PHLDB2: variants seen among roughly 807,000 people sequenced by gnomAD.
PHLDB2 encodes pleckstrin homology like domain family B member 2, also known as pleckstrin homology-like domain family B member 2.
In PHLDB2, 71 loss-of-function variants were observed where a neutral mutation model predicts 123.6. The ratio of observed to expected loss-of-function variants is 0.57; its 90% CI spans 0.47 to 0.70. The LOEUF is 0.70. PHLDB2 is among the 30% of genes least tolerant of loss of function. The pLI is 0.00. For missense variants in PHLDB2, 1,446 were observed against 1,519.5 expected, an observed-to-expected ratio of 0.95 and a Z score of 0.80; for synonymous variants, 547 against 541.6, an observed-to-expected ratio of 1.01 and a Z score of -0.14.
Position 111,967,676 on chromosome 3 carries a change from A to G in PHLDB2, c.3169-2A>G. 3 of 1,598,322 alleles carry G rather than the reference A, an allele frequency of 1.9e-6. No individual in the cohort carries two copies. Among genetic ancestry groups the G allele is most frequent in the Non-Finnish European group, 2.6e-6 (3 of 1,172,524 alleles). ...ATAATCATTGTTATGCATAATGTTT[A>G]GGAACGGGAAATGGAAGCCAAAAAA... On this transcript the variant is annotated splice_acceptor_variant, in intron 14 of 17. Coordinates refer to ENST00000431670, the MANE Select transcript of PHLDB2 (RefSeq NM_001134438.2). LOFTEE classifies it high-confidence loss of function.
At chr3:111,808,377 T>A (rs531603268) in intron 1 of PHLDB2, among the ~76,000 whole-genome samples, 1 of 152,322 alleles carries the variant, frequency 6.6e-6, no homozygotes, top group South Asian at 2.1e-4. Context: ...TTTGCATGAA[T>A]GACATTAGCT....
intron 1 of PHLDB2, among the ~76,000 whole-genome samples, chr3:111,823,102 C>T (rs1195352607): frequency 6.6e-6 from 1 of 152,198 alleles, no homozygotes; most frequent in South Asian, 2.1e-4. Flanking sequence ...GAGTACTCAA[C>T]CAGGACAGCT....
At chr3:111,954,903 C>T (rs988015339) in intron 12 of PHLDB2, among the ~76,000 whole-genome samples, 4 of 152,038 alleles carry the variant, frequency 2.6e-5, no homozygotes, top group South Asian at 2.1e-4. Flanking sequence ...AGGCATTTGG[C>T]CTTCAAATAC....
At chr3:111,951,214 C>A (rs950928355) in intron 10 of PHLDB2, among the ~76,000 whole-genome samples, 2 of 152,130 alleles carry the variant, frequency 1.3e-5, no homozygotes, top group African/African-American at 4.8e-5. Context: ...GACTACCTGG[C>A]CATGAATTCT....
intron 1 of PHLDB2, among the ~76,000 whole-genome samples, chr3:111,775,778 T>C (rs1425902951): frequency 6.6e-6 from 1 of 152,154 alleles, no homozygotes; most frequent in Non-Finnish European, 1.5e-5. Flanking sequence ...TAGGAGAATG[T>C]TTACATTTTT....
At chr3:111,909,297 A>G (rs1373634513) in intron 2 of PHLDB2, among the ~76,000 whole-genome samples, 2 of 152,152 alleles carry the variant, frequency 1.3e-5, no homozygotes, top group African/African-American at 2.4e-5. Flanking sequence ...TGTGCCTCCT[A>G]TTAAAGGTTT....
intron 1 of PHLDB2, among the ~76,000 whole-genome samples, chr3:111,844,395 T>C (rs1205423848): frequency 6.6e-6 from 1 of 152,170 alleles, no homozygotes; most frequent in Non-Finnish European, 1.5e-5. Context: ...TGTTCTACTT[T>C]CAATATTTCT....
At chr3:111,815,747 G>T (rs914622298) in intron 1 of PHLDB2, among the ~76,000 whole-genome samples, 6 of 151,638 alleles carry the variant, frequency 4.0e-5, no homozygotes, top group African/African-American at 1.5e-4. Flanking sequence ...CATTTGCTGA[G>T]GAGAAATTCA....
chr3:111,845,877 G>A, exon 2 of PHLDB2: 1 of 1,614,208 alleles, frequency 6.2e-7, no homozygotes, highest in Non-Finnish European at 8.5e-7. Flanking sequence ...TGATGGAGGA[G>A]GAGGATACCA....
At chr3:111,867,766 A>G (rs1034008817) in intron 1 of PHLDB2, among the ~76,000 whole-genome samples, 2 of 152,024 alleles carry the variant, frequency 1.3e-5, no homozygotes, top group Admixed American at 6.5e-5. Context: ...CAGTGGCACT[A>G]TCTTGGCTTA....
intron 1 of PHLDB2, among the ~76,000 whole-genome samples, chr3:111,806,419 C>A (rs550225893): frequency 2.0e-4 from 31 of 152,068 alleles, no homozygotes; most frequent in Non-Finnish European, 4.4e-4. Context: ...TTATATAATA[C>A]AAAATGTAGT....
At chr3:111,861,008 T>A (rs1157520028) in intron 1 of PHLDB2, among the ~76,000 whole-genome samples, 4 of 152,066 alleles carry the variant, frequency 2.6e-5, no homozygotes, top group African/African-American at 9.7e-5. Context: ...TCGAGATATG[T>A]CTCTGGGATT....
rs779505656 is a variant in PHLDB2 at position 111,913,521 on chromosome 3, C to T, written c.1538C>T (p.Ser513Phe). 9 of 1,614,110 alleles carry T rather than the reference C, an allele frequency of 5.6e-6. No individual in the cohort carries two copies. Among genetic ancestry groups the T allele is most frequent in the Non-Finnish European group, 7.6e-6 (9 of 1,179,982 alleles). The part of the protein sequence containing the change: ...DTRYRCHRKD[S>F]LPDADLASCG... Reference sequence around the variant, plus strand: ...AGATACAGGTGCCACCGGAAAGACTCCCTCCCTGATGCAGACTTGGCAAGC... The same window carrying T: ...AGATACAGGTGCCACCGGAAAGACTTCCTCCCTGATGCAGACTTGGCAAGC... Residue 513 changes from serine to phenylalanine, a missense_variant, in exon 3 of 18, where the codon TCC becomes TTC. Around this residue, in one of 3 missense-constraint regions of PHLDB2, gnomAD observed 832 missense variants for 831.9 expected, o/e 1.00. Transcript: ENST00000431670.
intron 1 of PHLDB2, among the ~76,000 whole-genome samples, chr3:111,808,880 T>C (rs1304168542): frequency 6.6e-6 from 1 of 152,246 alleles, no homozygotes; most frequent in Non-Finnish European, 1.5e-5. Flanking sequence ...GCAAATTCTT[T>C]ATATAGCATC....
chr3:111,943,251 C>T (rs542143361), intron 8 of PHLDB2, among the ~76,000 whole-genome samples: 1 of 152,216 alleles, frequency 6.6e-6, no homozygotes, highest in Non-Finnish European at 1.5e-5. Context: ...TACATATATA[C>T]TGTCTTTTGA....
chr3:111,773,901 G>A (rs73222477), intron 1 of PHLDB2, among the ~76,000 whole-genome samples: 11,663 of 152,162 alleles, frequency 0.077, 622 homozygotes, highest in Admixed American at 0.12. Context: ...ACTTATTTAT[G>A]CACTCTCTTC....
chr3:111,885,310 A>G lies in PHLDB2; in HGVS notation c.1233A>G (p.Glu411=), dbSNP rs1425406538. Residue 411 remains glutamate (E), a synonymous_variant, in exon 2 of 18, where the codon GAA becomes GAG. Transcript: ENST00000431670. ...GAACCCCCCAGCCTGCCCTTCGGGA[A>G]CGGAAAAGCAGTATTAGCTCCATTT... ...ASGTPQPALR[E]RKSSISSISG... The G allele has an allele frequency of 3.1e-6, 5 of 1,614,176 alleles. No individual in the cohort carries two copies. The Admixed American group carries it at 8.3e-5, about 27-fold the overall frequency.
chr3:111,800,285 C>A (rs569135705), intron 1 of PHLDB2, among the ~76,000 whole-genome samples: 1 of 152,126 alleles, frequency 6.6e-6, no homozygotes, highest in African/African-American at 2.4e-5. Context: ...GGATTACAGA[C>A]GTGAGCCAAC....
intron 1 of PHLDB2, among the ~76,000 whole-genome samples, chr3:111,880,884 GT>G (rs1219350864): frequency 6.6e-6 from 1 of 152,146 alleles, no homozygotes; most frequent in African/African-American, 2.4e-5. Flanking sequence ...TGCTTTTCCT[GT>G]TATCTTGCTA....
Sources: allele counts gnomAD v4.1 joint callset (sites outside exome capture counted in the v4.1 genomes callset), GRCh38; gene constraint gnomAD v4.1.1; regional missense constraint gnomAD v4.1.1; transcripts MANE v1.5; gene names NCBI Gene and HGNC (gene_info 2026-07-23, HGNC 2026-07-21).